The following KLF12 variants were observed in gnomAD, a reference collection of about 807,000 sequenced individuals.
The protein encoded by KLF12 is KLF transcription factor 12, also known as Krueppel-like factor 12.
Under a neutral mutation model 37.8 loss-of-function variants are expected in KLF12, and 9 were observed. The observed-to-expected ratio is 0.24, with a 90% CI of 0.14 to 0.42. KLF12 has a LOEUF of 0.42. Among genes scored for constraint, KLF12 ranks in the 10% least tolerant of loss-of-function variants. The pLI is 1.00. For missense variants in KLF12, 411 were observed against 516.0 expected (o/e 0.80, Z 1.97); for synonymous variants, 208 against 202.1 (o/e 1.03, Z -0.25).
chr13:74,287,349 T>TGAGAGAGAGA, the KLF12 span, among the ~76,000 whole-genome samples: 5,568 of 71,776 alleles, frequency 0.078, 697 homozygotes, highest in East Asian at 0.21. Context: ...CTATCAAAGT[T>TGAGAGAGAGA]GAGAGAGAGA....
At chr13:73,777,465 T>C (rs1022505827) in intron 5 of KLF12, among the ~76,000 whole-genome samples, 16 of 151,994 alleles carry the variant, frequency 1.1e-4, no homozygotes, top group African/African-American at 3.1e-4. Flanking sequence ...TCCCAGAAGT[T>C]TGGGAGGCTG....
At chr13:73,809,362 G>A (rs1172384467) in intron 5 of KLF12, among the ~76,000 whole-genome samples, 2 of 67,670 alleles carry the variant, frequency 3.0e-5, no homozygotes, top group Admixed American at 1.4e-4. Context: ...TCAAGATACG[G>A]AAAGACAAAC....
intron 4 of KLF12, among the ~76,000 whole-genome samples, chr13:73,823,354 T>C (rs1883644330): frequency 6.6e-6 from 1 of 151,964 alleles, no homozygotes; most frequent in Non-Finnish European, 1.5e-5. Flanking sequence ...CTAGATGGTA[T>C]GTAAATGATT....
At chr13:74,008,299 C>T (rs1424175340) in intron 1 of KLF12, among the ~76,000 whole-genome samples, 1 of 152,142 alleles carries the variant, frequency 6.6e-6, no homozygotes, top group African/African-American at 2.4e-5. Flanking sequence ...TCAGCTACCA[C>T]CAAGGACCAA....
intron 1 of KLF12, among the ~76,000 whole-genome samples, chr13:74,001,448 T>C (rs892532535): frequency 6.6e-6 from 1 of 152,224 alleles, no homozygotes; most frequent in Non-Finnish European, 1.5e-5. Context: ...CTTCAACAGG[T>C]GTTGTTGGAA....
At chr13:74,120,109 T>G (rs529308096) in intron 1 of KLF12, among the ~76,000 whole-genome samples, 1 of 152,208 alleles carries the variant, frequency 6.6e-6, no homozygotes, top group East Asian at 1.9e-4. Flanking sequence ...CTAAAACACT[T>G]CAGAAACCAA....
intron 1 of KLF12, among the ~76,000 whole-genome samples, chr13:74,022,225 A>C (rs190264221): frequency 6.6e-6 from 1 of 152,212 alleles, no homozygotes. Flanking sequence ...ACAAGTCTAC[A>C]AAGTACAAGG....
chr13:73,778,506 C>T (rs1880765815), intron 5 of KLF12, among the ~76,000 whole-genome samples: 1 of 152,138 alleles, frequency 6.6e-6, no homozygotes, highest in Non-Finnish European at 1.5e-5. Flanking sequence ...ACTACAAGCG[C>T]CTGCCACCAC....
At chr13:74,179,062 C>T in the KLF12 span, among the ~76,000 whole-genome samples, 1 of 152,202 alleles carries the variant, frequency 6.6e-6, no homozygotes, top group African/African-American at 2.4e-5. Context: ...CTGTGAACAT[C>T]GCTAGGCCTT....
intron 1 of KLF12, among the ~76,000 whole-genome samples, chr13:74,104,444 A>C (rs1302278975): frequency 6.6e-6 from 1 of 152,220 alleles, no homozygotes; most frequent in Non-Finnish European, 1.5e-5. Context: ...ACAGAGTTTC[A>C]GTCAAAAACC....
chr13:74,206,042 C>T, the KLF12 span, among the ~76,000 whole-genome samples: 1 of 151,838 alleles, frequency 6.6e-6, no homozygotes, highest in African/African-American at 2.4e-5. Context: ...GATAATTTTC[C>T]CTCTGTTTTT....
chr13:73,825,014 C>T (rs143986098), intron 4 of KLF12, among the ~76,000 whole-genome samples: 87 of 151,666 alleles, frequency 5.7e-4, no homozygotes, highest in Middle Eastern at 3.4e-3. Context: ...GGTTGCAGTG[C>T]GCTGAGATTG....
intron 1 of KLF12, among the ~76,000 whole-genome samples, chr13:74,109,193 A>C (rs1238934641): frequency 1.3e-5 from 2 of 152,204 alleles, no homozygotes; most frequent in Non-Finnish European, 2.9e-5. Flanking sequence ...CAAATATGAA[A>C]TTAAGAATCA....
At chr13:74,222,410 A>G in the KLF12 span, among the ~76,000 whole-genome samples, 155 of 152,350 alleles carry the variant, frequency 1.0e-3, no homozygotes, top group African/African-American at 3.4e-3. Flanking sequence ...TCTTTTACAA[A>G]AAGCACATGA....
At chr13:74,301,201 C>T in the KLF12 span, among the ~76,000 whole-genome samples, 1 of 152,098 alleles carries the variant, frequency 6.6e-6, no homozygotes, top group South Asian at 2.1e-4. Flanking sequence ...TTCAATATGG[C>T]CCTTAGCTGA....
chr13:74,030,901 A>G (rs1011007146), intron 1 of KLF12, among the ~76,000 whole-genome samples: 9 of 152,112 alleles, frequency 5.9e-5, no homozygotes, highest in African/African-American at 2.2e-4. Flanking sequence ...CTAAGACTCA[A>G]GCTATAATTT....
At chr13:73,742,748 G>C (rs1004656510) in intron 6 of KLF12, among the ~76,000 whole-genome samples, 1 of 152,172 alleles carries the variant, frequency 6.6e-6, no homozygotes, top group African/African-American at 2.4e-5. Context: ...CTTTAAGATA[G>C]AGGTCACACA....
intron 1 of KLF12, among the ~76,000 whole-genome samples, chr13:74,117,353 G>A (rs1024149805): frequency 5.3e-5 from 8 of 152,156 alleles, no homozygotes; most frequent in African/African-American, 1.9e-4. Context: ...TGGGCCACAA[G>A]AGCAAATCTG....
intron 3 of KLF12, among the ~76,000 whole-genome samples, chr13:73,883,745 C>T (rs1296093254): frequency 1.3e-5 from 2 of 152,104 alleles, no homozygotes; most frequent in Admixed American, 6.5e-5. Flanking sequence ...AACAACATGA[C>T]AAAAGGTAGG....
Sources: allele counts gnomAD v4.1 joint callset (sites outside exome capture counted in the v4.1 genomes callset), GRCh38; gene constraint gnomAD v4.1.1; transcripts MANE v1.5; gene names NCBI Gene and HGNC (gene_info 2026-07-23, HGNC 2026-07-21).